Variants in CLVS1 observed in about 807,000 individuals in gnomAD.
The protein encoded by CLVS1 is clavesin 1, also known as clavesin-1.
CLVS1 carries 10 observed loss-of-function variants against 33.1 expected under a neutral mutation model. The observed-to-expected ratio is 0.30, with a 90% confidence interval of 0.19 to 0.51. The LOEUF is 0.51. Among genes scored for constraint, CLVS1 ranks in the 20% least tolerant of loss-of-function variants. CLVS1 has a pLI of 0.97. For missense variants in CLVS1, 343 were observed against 433.4 expected (o/e 0.79, Z 1.85); for synonymous variants, 163 against 166.1 (o/e 0.98, Z 0.14).
At chr8:61,452,849 CA>C (rs1817011027) in intron 3 of CLVS1, among the ~76,000 whole-genome samples, 1 of 152,148 alleles carries the variant, frequency 6.6e-6, no homozygotes, top group Non-Finnish European at 1.5e-5. Context: ...TAAAGTTTTT[CA>C]AATGGCAACC....
intron 2 of CLVS1, among the ~76,000 whole-genome samples, chr8:61,234,965 G>A (rs1419444181): frequency 6.6e-6 from 1 of 152,098 alleles, no homozygotes; most frequent in East Asian, 1.9e-4. Context: ...TACAGTTCTA[G>A]GCAACTTTGG....
rs569518588 is a variant in CLVS1 at position 61,242,375 on chromosome 8, T to G, written c.-151-57302T>G. Among the ~76,000 whole-genome samples, 18 of 152,336 alleles carry G rather than the reference T, an allele frequency of 1.2e-4. No homozygotes were observed. In the South Asian group the frequency reaches 3.7e-3, roughly 32 times the overall value. On this transcript the variant is annotated intron_variant, in intron 2 of 2. Transcript: ENST00000522621. ...CTTCATTTTCAGATTGAATTGTTTC[T>G]GTACATTTACCTTCACGTTCTCTGA...
intron 2 of CLVS1, among the ~76,000 whole-genome samples, chr8:61,245,025 A>G (rs930201058): frequency 6.6e-6 from 1 of 152,174 alleles, no homozygotes; most frequent in African/African-American, 2.4e-5. Flanking sequence ...TCTTTCTGGT[A>G]TATCCAGCCT....
At position 61,379,869 on chromosome 8, in the gene CLVS1, A is replaced by T. The variant is rs935237659; in HGVS notation, c.630+3090A>T. 2.0e-5 allele frequency among the ~76,000 whole-genome samples: 3 copies of T among 152,174 alleles called. No individual in the cohort carries two copies. The South Asian group carries it at 6.2e-4, about 32-fold the overall frequency. On this transcript the variant is annotated intron_variant, in intron 3 of 5. Coordinates refer to ENST00000325897, the MANE Select transcript of CLVS1 (RefSeq NM_173519.3). ...TGACTTAACAGGCAGGGATGCACAC[A>T]GCGCTCAGTCACTGTGTGCTGGCTG... is the stretch of plus-strand genomic sequence containing the variant.
intron 2 of CLVS1, among the ~76,000 whole-genome samples, chr8:61,314,254 G>T (rs528750795): frequency 6.6e-6 from 1 of 151,928 alleles, no homozygotes; most frequent in Non-Finnish European, 1.5e-5. Context: ...GAGTTAGTCC[G>T]TCCTATAATT....
intron 5 of CLVS1, among the ~76,000 whole-genome samples, chr8:61,490,607 G>A (rs1330001210): frequency 6.9e-6 from 1 of 145,982 alleles, no homozygotes; most frequent in Non-Finnish European, 1.5e-5. Flanking sequence ...GCAGTGAGCC[G>A]AGATCACACC....
At chr8:61,236,273 A>G (rs193208582) in intron 2 of CLVS1, among the ~76,000 whole-genome samples, 1 of 152,332 alleles carries the variant, frequency 6.6e-6, no homozygotes, top group Admixed American at 6.5e-5. Flanking sequence ...AGAGCCACAA[A>G]GGGTATGAGA....
chr8:60,995,145 G>T, the CLVS1 span, among the ~76,000 whole-genome samples: 1 of 152,198 alleles, frequency 6.6e-6, no homozygotes. Context: ...GGCAACAAAA[G>T]ACAAAATTGA....
intron 2 of CLVS1, among the ~76,000 whole-genome samples, chr8:61,320,205 C>T (rs1811146097): frequency 6.6e-6 from 1 of 151,918 alleles, no homozygotes. Flanking sequence ...TTGTTTCAAG[C>T]TTTTCTGTAT....
rs138509943 is a variant in CLVS1, at chr8:61,432,559, A to T, written c.631-21582A>T. Among the ~76,000 whole-genome samples the T allele has an allele frequency of 3.5e-3, 537 of 152,324 alleles. 2 individuals carry two copies. Among genetic ancestry groups the T allele is most frequent in the African/African-American group, 0.012 (489 of 41,570 alleles). On this transcript the variant is annotated intron_variant, in intron 3 of 5. Transcript: ENST00000325897. ...TGCAAGCAAAGGAGAGAGGCCTCGG[A>T]AGAAACTGGCCCTGCCTCTGCCTTG...
intron 5 of CLVS1, among the ~76,000 whole-genome samples, chr8:61,469,029 C>T (rs951629752): frequency 6.6e-6 from 1 of 152,132 alleles, no homozygotes; most frequent in East Asian, 1.9e-4. Flanking sequence ...GGAGTGACCT[C>T]GAAGAATCAT....
intron 5 of CLVS1, among the ~76,000 whole-genome samples, chr8:61,475,339 T>C (rs530905539): frequency 6.6e-6 from 1 of 152,324 alleles, no homozygotes; most frequent in Admixed American, 6.5e-5. Flanking sequence ...TCAAATGGTA[T>C]TTCTAGTTCT....
intron 1 of CLVS1, among the ~76,000 whole-genome samples, chr8:61,063,147 G>A (rs1341614499): frequency 2.0e-5 from 3 of 152,046 alleles, no homozygotes; most frequent in African/African-American, 4.8e-5. Context: ...GTAAGACAAA[G>A]GCTTTGCTCT....
At chr8:61,421,094 G>GTT (rs1815644432) in intron 3 of CLVS1, among the ~76,000 whole-genome samples, 1 of 152,190 alleles carries the variant, frequency 6.6e-6, no homozygotes, top group Admixed American at 6.5e-5. Flanking sequence ...TGCTTTTGAG[G>GTT]TGCATTAGAG....
chr8:61,073,778 C>T lies in CLVS1; in HGVS notation c.-243+16548C>T, dbSNP rs917523579. Among the ~76,000 whole-genome samples the T allele has an allele frequency of 9.9e-5, 15 of 151,736 alleles. No homozygotes were observed. In the South Asian group the frequency reaches 1.2e-3, roughly 13 times the overall value. ...CTGTAATCCCAGCACTTTGGGAGGCCGAGGCAGGCGGATCACGAGGTCAGG... is the reference window on the plus strand; with the variant it reads ...CTGTAATCCCAGCACTTTGGGAGGCTGAGGCAGGCGGATCACGAGGTCAGG... On this transcript the variant is annotated intron_variant, in intron 1 of 2. Transcript: ENST00000522621.
chr8:61,447,349 T>C (rs1298400585), intron 3 of CLVS1, among the ~76,000 whole-genome samples: 2 of 152,082 alleles, frequency 1.3e-5, no homozygotes, highest in African/African-American at 4.8e-5. Flanking sequence ...CTCTTTTAAT[T>C]GGTATACTTA....
chr8:61,344,487 T>A (rs1812134626), intron 2 of CLVS1, among the ~76,000 whole-genome samples: 1 of 152,196 alleles, frequency 6.6e-6, no homozygotes, highest in Non-Finnish European at 1.5e-5. Context: ...GCAAGAGGCT[T>A]AGCTCAAAAT....
intron 2 of CLVS1, among the ~76,000 whole-genome samples, chr8:61,232,043 T>TTTTTTTTTTG (rs1563455162): frequency 1.4e-5 from 2 of 139,852 alleles, no homozygotes; most frequent in African/African-American, 5.8e-5. Flanking sequence ...TTTTTTTTTT[T>TTTTTTTTTTG]TTTTTTTGTG....
At chr8:61,459,216 G>T (rs1817271520) in intron 5 of CLVS1, among the ~76,000 whole-genome samples, 1 of 152,048 alleles carries the variant, frequency 6.6e-6, no homozygotes, top group Admixed American at 6.6e-5. Context: ...ATGAAATAAA[G>T]CTCCAAAAAC....
Sources: gnomAD v4.1 joint callset for allele counts (sites outside exome capture counted in the v4.1 genomes callset) on GRCh38, gnomAD v4.1.1 for gene constraint, MANE v1.5 for transcripts, NCBI Gene and HGNC (gene_info 2026-07-23, HGNC 2026-07-21) for gene names.